RBFOX3: variants seen among roughly 807,000 people sequenced by gnomAD.
The protein encoded by RBFOX3 is RNA binding protein fox-1 homolog 3.
Under a neutral mutation model 48.7 loss-of-function variants are expected in RBFOX3, and 17 were observed. That is an observed-to-expected ratio of 0.35 (90% CI 0.24 to 0.52). The LOEUF is 0.52. Ranked by LOEUF, RBFOX3 falls within the 20% of genes least tolerant of loss-of-function variation. The pLI is 0.94. For missense variants in RBFOX3, 382 were observed against 497.5 expected (o/e 0.77, Z 2.21); for synonymous variants, 212 against 209.5 (o/e 1.01, Z -0.10).
At chr17:79,605,524 C>A (rs1003863544) in intron 1 of RBFOX3, among the ~76,000 whole-genome samples, 2 of 152,178 alleles carry the variant, frequency 1.3e-5, no homozygotes, top group Non-Finnish European at 2.9e-5. Flanking sequence ...GCATACAGAG[C>A]TGATGACCAG....
chr17:79,588,765 C>T (rs1446520568), intron 1 of RBFOX3, among the ~76,000 whole-genome samples: 12 of 146,028 alleles, frequency 8.2e-5, no homozygotes, highest in Admixed American at 7.4e-4. Context: ...ATAGCGAGAT[C>T]CCGTCCTGAG....
At chr17:79,182,781 G>C (rs1457575007) in intron 4 of RBFOX3, among the ~76,000 whole-genome samples, 1 of 146,466 alleles carries the variant, frequency 6.8e-6, no homozygotes, top group Non-Finnish European at 1.5e-5. Flanking sequence ...CCGCCTCCCC[G>C]GAGGCCCGGC....
At chr17:79,429,454 G>A (rs1043498617) in intron 2 of RBFOX3, among the ~76,000 whole-genome samples, 3 of 152,192 alleles carry the variant, frequency 2.0e-5, no homozygotes, top group Admixed American at 6.5e-5. Context: ...CAGAGAGTGA[G>A]TCCAGCAGGC....
At chr17:79,107,574 C>T (rs778204935) in intron 5 of RBFOX3, among the ~76,000 whole-genome samples, 9 of 152,206 alleles carry the variant, frequency 5.9e-5, no homozygotes, top group South Asian at 2.1e-4. Context: ...CGTGAGCTCA[C>T]GGCAAGGCTG....
In RBFOX3 at chr17:79,262,558, C is replaced by A. The variant is rs147924283; in HGVS notation, c.-73-26753G>T. ...TCAGTGCTGCTGTCTGCTCAGAGGG[C>A]AGGACCCCTTAATCCTATTCCAGTC... is the stretch of plus-strand genomic sequence containing the variant. On this transcript the variant is annotated intron_variant, in intron 3 of 14. Transcript: ENST00000693108. Among the ~76,000 whole-genome samples the A allele has an allele frequency of 6.6e-4, 100 of 152,366 alleles. 1 individual carries two copies. In the East Asian group the frequency reaches 0.013, roughly 19 times the overall value.
intron 2 of RBFOX3, among the ~76,000 whole-genome samples, chr17:79,439,270 A>C (rs1304054834): frequency 2.6e-5 from 4 of 152,210 alleles, no homozygotes; most frequent in Non-Finnish European, 5.9e-5. Context: ...CCCGCTCCCC[A>C]GCCCCTCCCC....
In RBFOX3 at chr17:79,394,930, C is replaced by T. The variant is rs146870204; in HGVS notation, c.-174-87106G>A. On this transcript the variant is annotated intron_variant, in intron 2 of 14. Transcript: ENST00000693108. ...CTCGGGGCGTGTGCAGGTGGGACGACGCAGAGAGGCGGCAAGACGTCAGGA... is the reference window on the plus strand; with the variant it reads ...CTCGGGGCGTGTGCAGGTGGGACGATGCAGAGAGGCGGCAAGACGTCAGGA... Among the ~76,000 whole-genome samples, 824 of 152,294 alleles carry T rather than the reference C, an allele frequency of 5.4e-3. 6 individuals are homozygous for T. The highest frequency in any genetic ancestry group is 7.8e-3 in the Non-Finnish European group (528 of 68,026).
At chr17:79,142,568 C>T (rs552180150) in intron 4 of RBFOX3, among the ~76,000 whole-genome samples, 11 of 151,936 alleles carry the variant, frequency 7.2e-5, no homozygotes, top group East Asian at 3.9e-4. Context: ...ACTCCGCCAG[C>T]GGGGCACGGT....
intron 4 of RBFOX3, among the ~76,000 whole-genome samples, chr17:79,130,409 C>T (rs116837457): frequency 7.7e-4 from 118 of 152,338 alleles, no homozygotes; most frequent in African/African-American, 2.5e-3. Flanking sequence ...AGCCAACAAC[C>T]CGCCACCAAG....
intron 4 of RBFOX3, among the ~76,000 whole-genome samples, chr17:79,141,223 G>T (rs967574454): frequency 6.6e-6 from 1 of 152,204 alleles, no homozygotes; most frequent in African/African-American, 2.4e-5. Context: ...TGGTCTTTCT[G>T]CAATAAGCGA....
rs117167639 is a variant in RBFOX3 at position 79,129,242 on chromosome 17, C to T, written c.-33-13494G>A. 9.7e-4 allele frequency among the ~76,000 whole-genome samples: 148 copies of T among 152,316 alleles called. 5 individuals are homozygous for T. The East Asian group carries it at 0.023, about 24-fold the overall frequency. On this transcript the variant is annotated intron_variant, in intron 4 of 14. Transcript: ENST00000693108. ...ACATTATTTCATTTAATCTTCAATG[C>T]GCTAAACTGGCATTCTTGATGCAAG...
chr17:79,508,445 G>A (rs987785713), intron 1 of RBFOX3, among the ~76,000 whole-genome samples: 3 of 152,272 alleles, frequency 2.0e-5, no homozygotes, highest in Non-Finnish European at 2.9e-5. Context: ...CTCCCTGACC[G>A]CCCGAGGCCG....
intron 4 of RBFOX3, among the ~76,000 whole-genome samples, chr17:79,178,533 C>T (rs1166022431): frequency 6.6e-6 from 1 of 152,202 alleles, no homozygotes; most frequent in Non-Finnish European, 1.5e-5. Flanking sequence ...AGCAGCTTCC[C>T]GAGGTAGTAC....
At chr17:79,652,044 T>C in the RBFOX3 span, among the ~76,000 whole-genome samples, 3 of 151,702 alleles carry the variant, frequency 2.0e-5, no homozygotes, top group African/African-American at 7.3e-5. Context: ...TGACTGCAAA[T>C]TCACGACACA....
chr17:79,420,402 C>T (rs538448509), intron 2 of RBFOX3, among the ~76,000 whole-genome samples: 5 of 152,192 alleles, frequency 3.3e-5, no homozygotes, highest in Admixed American at 1.3e-4. Flanking sequence ...CCCCCACCCA[C>T]GAAGGGAGCA....
chr17:79,380,733 A>G (rs2059801699), intron 2 of RBFOX3, among the ~76,000 whole-genome samples: 1 of 152,042 alleles, frequency 6.6e-6, no homozygotes, highest in Non-Finnish European at 1.5e-5. Context: ...GTGGCCCTCA[A>G]CAGAACAGGA....
At chr17:79,568,704 T>G (rs2092556375) in intron 1 of RBFOX3, among the ~76,000 whole-genome samples, 1 of 152,116 alleles carries the variant, frequency 6.6e-6, no homozygotes, top group African/African-American at 2.4e-5. Flanking sequence ...GAGACCCCCA[T>G]GCCCTGTATG....
chr17:79,374,653 G>A (rs1051653318), intron 2 of RBFOX3, among the ~76,000 whole-genome samples: 14 of 152,244 alleles, frequency 9.2e-5, no homozygotes, highest in African/African-American at 2.4e-4. Context: ...TTGAGGCTCC[G>A]TTCGCATGTT....
chr17:79,556,418 G>A (rs2091765275), intron 1 of RBFOX3, among the ~76,000 whole-genome samples: 1 of 152,188 alleles, frequency 6.6e-6, no homozygotes, highest in South Asian at 2.1e-4. Context: ...CCGAGGAGGG[G>A]ACAGACCATG....
Sources: allele counts gnomAD v4.1 joint callset (sites outside exome capture counted in the v4.1 genomes callset), GRCh38; gene constraint gnomAD v4.1.1; transcripts MANE v1.5; gene names NCBI Gene and HGNC (gene_info 2026-07-23, HGNC 2026-07-21).